The following PTPRN2 variants were observed in gnomAD, a reference collection of about 807,000 sequenced individuals.
The protein encoded by PTPRN2 is receptor-type tyrosine-protein phosphatase N2.
PTPRN2 carries 74 observed loss-of-function variants against 118.8 expected under a neutral mutation model. That is an observed-to-expected ratio of 0.62 (90% CI 0.52 to 0.76). The LOEUF is 0.76. Among genes scored for constraint, PTPRN2 ranks in the 30% least tolerant of loss-of-function variants. The probability of loss-of-function intolerance (pLI) is 0.00; values close to 1 mark genes in which losing one functional copy is unlikely to be tolerated. For synonymous variants in PTPRN2, 641 were observed against 608.0 expected (o/e 1.05, Z -0.80); for missense variants, 1,481 against 1,394.4 (o/e 1.06, Z -0.99).
intron 12 of PTPRN2, among the ~76,000 whole-genome samples, chr7:157,897,848 C>G (rs1797219831): frequency 6.6e-6 from 1 of 152,280 alleles, no homozygotes. Context: ...CGCTCCTTCA[C>G]AGTTAATTAT....
intron 11 of PTPRN2, among the ~76,000 whole-genome samples, chr7:158,071,356 TGGA>T: frequency 8.9e-6 from 1 of 112,968 alleles, no homozygotes; most frequent in Admixed American, 8.8e-5. Context: ...CTCGTGGTGG[TGGA>T]GGTGCTCATG....
intron 11 of PTPRN2, among the ~76,000 whole-genome samples, chr7:158,007,988 TG>T (rs1468108927): frequency 6.9e-6 from 1 of 144,678 alleles, no homozygotes; most frequent in Non-Finnish European, 1.5e-5. Context: ...TGTGTATATG[TG>T]GGGTATGTAC....
intron 11 of PTPRN2, among the ~76,000 whole-genome samples, chr7:157,907,457 C>A (rs1797839551): frequency 6.7e-6 from 1 of 148,524 alleles, no homozygotes; most frequent in African/African-American, 2.5e-5. Context: ...TGTGGGGTGT[C>A]CCGGGTGGCA....
chr7:157,736,920 C>T (rs1054203990), intron 12 of PTPRN2, among the ~76,000 whole-genome samples: 1 of 152,192 alleles, frequency 6.6e-6, no homozygotes, highest in African/African-American at 2.4e-5. Flanking sequence ...AAAAGCTCCT[C>T]TCCGTCCTGG....
chr7:158,064,301 C>G (rs772201448), intron 11 of PTPRN2, among the ~76,000 whole-genome samples: 1 of 152,192 alleles, frequency 6.6e-6, no homozygotes, highest in Non-Finnish European at 1.5e-5. Context: ...AGCTGGAGAG[C>G]CCGGGACATG....
At chr7:158,326,769 A>G (rs1803584565) in intron 2 of PTPRN2, among the ~76,000 whole-genome samples, 1 of 122,684 alleles carries the variant, frequency 8.2e-6, no homozygotes, top group Non-Finnish European at 1.8e-5. Flanking sequence ...CGTTTCACAC[A>G]TGCTCACACA....
chr7:157,778,274 G>A (rs1358143259), intron 12 of PTPRN2, among the ~76,000 whole-genome samples: 3 of 152,330 alleles, frequency 2.0e-5, no homozygotes, highest in South Asian at 2.1e-4. Flanking sequence ...AAGTACATGT[G>A]AATACAGGTG....
intron 6 of PTPRN2, among the ~76,000 whole-genome samples, chr7:158,157,963 G>T (rs1470109140): frequency 6.6e-6 from 1 of 152,206 alleles, no homozygotes; most frequent in East Asian, 1.9e-4. Context: ...CCAGGGGCAT[G>T]GATCCGAGAT....
At chr7:157,700,751 G>A (rs959348028) in intron 12 of PTPRN2, among the ~76,000 whole-genome samples, 18 of 152,202 alleles carry the variant, frequency 1.2e-4, no homozygotes, top group African/African-American at 4.3e-4. Flanking sequence ...GACACACAGG[G>A]GCGCCTCCAG....
At chr7:157,946,493 G>A (rs1205046051) in intron 11 of PTPRN2, among the ~76,000 whole-genome samples, 2 of 152,252 alleles carry the variant, frequency 1.3e-5, no homozygotes, top group African/African-American at 4.8e-5. Flanking sequence ...GGAAACAAGT[G>A]AGAGGCTTTG....
At position 157,899,559 on chromosome 7, in the gene PTPRN2, G is replaced by C. The variant is rs79230586; in HGVS notation, c.1724-822C>G. On this transcript the variant is annotated intron_variant, in intron 11 of 22. Coordinates refer to ENST00000389418, the MANE Select transcript of PTPRN2 (RefSeq NM_002847.5). ...GAATTTCACTGCAAACCCTATGAAT[G>C]AAGAGTGCCTTGCAATTGTGATTAA... Among the ~76,000 whole-genome samples, 21 of 152,314 alleles carry C rather than the reference G, an allele frequency of 1.4e-4. No individual in the cohort carries two copies. The East Asian group carries it at 2.9e-3, about 21-fold the overall frequency.
chr7:158,037,534 C>T (rs781455822), intron 11 of PTPRN2, among the ~76,000 whole-genome samples: 6 of 152,090 alleles, frequency 3.9e-5, no homozygotes, highest in African/African-American at 9.7e-5. Flanking sequence ...CTGTAGGCAA[C>T]GCTAACACAA....
rs146429241 is a variant in PTPRN2, at chr7:158,045,537, G to A, written c.1723+35761C>T. 6.8e-4 allele frequency among the ~76,000 whole-genome samples: 104 copies of A among 152,328 alleles called. 1 individual carries two copies. Among genetic ancestry groups the A allele is most frequent in the African/African-American group, 2.2e-3 (92 of 41,562 alleles). On this transcript the variant is annotated intron_variant, in intron 11 of 22. Transcript: ENST00000389418. ...GAATCAGAGAGGTGTGCCCCAGGAC[G>A]TGGGCGCAGCTGGCACATTCAGAGA...
At chr7:157,826,211 C>A (rs566454386) in intron 12 of PTPRN2, among the ~76,000 whole-genome samples, 10 of 148,804 alleles carry the variant, frequency 6.7e-5, no homozygotes, top group Admixed American at 2.7e-4. Context: ...AGCACGAACA[C>A]GATCGTCACA....
intron 3 of PTPRN2, among the ~76,000 whole-genome samples, chr7:158,313,932 G>T (rs1364388671): frequency 6.6e-6 from 1 of 152,010 alleles, no homozygotes. Context: ...TAAATTTCTT[G>T]GTTTTTTTCT....
intron 1 of PTPRN2, among the ~76,000 whole-genome samples, chr7:158,553,701 C>A (rs904785200): frequency 1.3e-5 from 2 of 151,162 alleles, no homozygotes; most frequent in African/African-American, 4.9e-5. Context: ...GGAGTCTACG[C>A]CACCTTCCCT....
chr7:158,260,472 C>A (rs1202204192), intron 3 of PTPRN2, among the ~76,000 whole-genome samples: 1 of 152,150 alleles, frequency 6.6e-6, no homozygotes, highest in African/African-American at 2.4e-5. Flanking sequence ...AGCAGAGACA[C>A]AACCGGATAC....
At chr7:158,115,328 C>T (rs1816642044) in intron 9 of PTPRN2, among the ~76,000 whole-genome samples, 3 of 152,036 alleles carry the variant, frequency 2.0e-5, no homozygotes, top group Admixed American at 2.0e-4. Flanking sequence ...GTAATGGTGA[C>T]TGAAGTGGAC....
At chr7:158,221,602 G>A (rs777386813) in intron 3 of PTPRN2, among the ~76,000 whole-genome samples, 5 of 151,908 alleles carry the variant, frequency 3.3e-5, no homozygotes, top group Non-Finnish European at 5.9e-5. Flanking sequence ...TGAAAAGCAC[G>A]TCTTACATGG....
Sources: gnomAD v4.1 joint callset for allele counts (sites outside exome capture counted in the v4.1 genomes callset) on GRCh38, gnomAD v4.1.1 for gene constraint, MANE v1.5 for transcripts, NCBI Gene and HGNC (gene_info 2026-07-23, HGNC 2026-07-21) for gene names.